Variants in SLC35F3 observed in about 807,000 individuals in gnomAD.
SLC35F3 encodes solute carrier family 35 member F3, also known as putative thiamine transporter SLC35F3.
A neutral mutation model predicts 49.9 loss-of-function variants in SLC35F3; 25 were observed. That is an observed-to-expected ratio of 0.50 (90% CI 0.37 to 0.70). The LOEUF is 0.70. Among genes scored for constraint, SLC35F3 ranks in the 30% least tolerant of loss-of-function variants. SLC35F3 has a pLI of 0.00. For synonymous variants in SLC35F3, 275 were observed against 265.4 expected, an observed-to-expected ratio of 1.04 and a Z score of -0.35; for missense variants, 525 against 639.8, an observed-to-expected ratio of 0.82 and a Z score of 1.94.
intron 2 of SLC35F3, among the ~76,000 whole-genome samples, chr1:233,924,827 G>A (rs1388410528): frequency 6.6e-6 from 1 of 152,184 alleles, no homozygotes; most frequent in Non-Finnish European, 1.5e-5. Context: ...ATTCTGGTAT[G>A]TTGTGTCTTT....
chr1:234,184,159 C>T (rs1666601005), intron 2 of SLC35F3, among the ~76,000 whole-genome samples: 1 of 151,572 alleles, frequency 6.6e-6, no homozygotes, highest in South Asian at 2.1e-4. Context: ...AACAAAAAAC[C>T]TAAATGCACA....
At chr1:233,937,575 C>T (rs1264112768) in intron 2 of SLC35F3, among the ~76,000 whole-genome samples, 1 of 152,150 alleles carries the variant, frequency 6.6e-6, no homozygotes, top group Non-Finnish European at 1.5e-5. Flanking sequence ...TAAAGTGCCC[C>T]ACTGGAGTTG....
At chr1:233,946,853 T>G (rs1238583561) in intron 2 of SLC35F3, among the ~76,000 whole-genome samples, 2 of 152,248 alleles carry the variant, frequency 1.3e-5, no homozygotes, top group African/African-American at 2.4e-5. Flanking sequence ...TTTCTGCCAC[T>G]GCCTGGCAGA....
chr1:234,322,759 C>T (rs1265612618), intron 7 of SLC35F3, among the ~76,000 whole-genome samples: 1 of 151,682 alleles, frequency 6.6e-6, no homozygotes, highest in East Asian at 1.9e-4. Context: ...GTTTGAACTA[C>T]CAAGTCAGTT....
chr1:234,198,519 G>C (rs1028582061), intron 2 of SLC35F3, among the ~76,000 whole-genome samples: 1 of 152,176 alleles, frequency 6.6e-6, no homozygotes, highest in South Asian at 2.1e-4. Flanking sequence ...GATGAGGACT[G>C]TAATTTCTCT....
At chr1:234,316,831 C>T in intron 5 of SLC35F3, 104 bp downstream of exon 5, 1 of 1,398,624 alleles carries the variant, frequency 7.1e-7, no homozygotes, top group Non-Finnish European at 9.7e-7. Flanking sequence ...TCTGATGATA[C>T]CTGTGCTTCA....
intron 3 of SLC35F3, among the ~76,000 whole-genome samples, chr1:234,304,265 G>T (rs1032033994): frequency 6.6e-6 from 1 of 151,876 alleles, no homozygotes; most frequent in African/African-American, 2.4e-5. Flanking sequence ...AGGTTTAAGC[G>T]ATTCTCATGC....
intron 2 of SLC35F3, among the ~76,000 whole-genome samples, chr1:234,143,292 T>TC (rs772961017): frequency 0.051 from 6,373 of 123,750 alleles, 231 homozygotes; most frequent in African/African-American, 0.14. Context: ...TCTTTTCTTT[T>TC]TTTTTTTTTT....
intron 2 of SLC35F3, among the ~76,000 whole-genome samples, chr1:233,999,890 T>G (rs1663524332): frequency 6.6e-6 from 1 of 152,220 alleles, no homozygotes; most frequent in Non-Finnish European, 1.5e-5. Context: ...TAAAGATTTG[T>G]TAACAAGTGA....
intron 2 of SLC35F3, among the ~76,000 whole-genome samples, chr1:234,155,395 G>GATGATGATGATTATTATT (rs113733876): frequency 6.7e-6 from 1 of 149,292 alleles, no homozygotes; most frequent in African/African-American, 2.5e-5. Flanking sequence ...CTATTCACCT[G>GATGATGATGATTATTATT]ATTATTATTA....
At chr1:233,917,157 C>A (rs977544177) in intron 2 of SLC35F3, among the ~76,000 whole-genome samples, 1 of 152,152 alleles carries the variant, frequency 6.6e-6, no homozygotes, top group African/African-American at 2.4e-5. Context: ...GCCATACTTT[C>A]TTTGTCTTGG....
At chr1:234,023,177 G>T (rs1468780917) in intron 2 of SLC35F3, among the ~76,000 whole-genome samples, 1 of 152,140 alleles carries the variant, frequency 6.6e-6, no homozygotes, top group Non-Finnish European at 1.5e-5. Flanking sequence ...GAAGACCCAG[G>T]GCACACCCAT....
intron 2 of SLC35F3, among the ~76,000 whole-genome samples, chr1:234,069,340 C>G (rs1664680097): frequency 6.7e-6 from 1 of 149,754 alleles, no homozygotes; most frequent in South Asian, 2.1e-4. Context: ...TCATTGCAAC[C>G]TCCACCTCCC....
intron 2 of SLC35F3, among the ~76,000 whole-genome samples, chr1:234,198,975 T>C (rs546037697): frequency 6.6e-6 from 1 of 151,470 alleles, no homozygotes; most frequent in African/African-American, 2.4e-5. Flanking sequence ...TCCCGGAACA[T>C]TGGGAGACCA....
intron 2 of SLC35F3, among the ~76,000 whole-genome samples, chr1:234,095,030 G>A (rs920630424): frequency 2.0e-5 from 3 of 152,140 alleles, no homozygotes; most frequent in Non-Finnish European, 2.9e-5. Flanking sequence ...CTGGCAGGGG[G>A]GTTTATCTGA....
chr1:234,292,720 CTTGTTCT>C (rs2102986577), intron 3 of SLC35F3, among the ~76,000 whole-genome samples: 1 of 152,292 alleles, frequency 6.6e-6, no homozygotes, highest in East Asian at 1.9e-4. Context: ...TAGAGTTGCC[CTTGTTCT>C]TATGAACTGT....
chr1:233,911,264 G>A lies in SLC35F3; in HGVS notation c.283+5506G>A, dbSNP rs1661869407. The stretch of plus-strand genomic sequence containing the variant: ...ATTGAATTCATGGTGAGCAACTTCT[G>A]TCTGATCCTCCTAAAATAGTAAAGG... On this transcript the variant is annotated intron_variant, in intron 2 of 7. Coordinates refer to ENST00000366618, the MANE Select transcript of SLC35F3 (RefSeq NM_173508.4). 2.0e-5 allele frequency among the ~76,000 whole-genome samples: 3 copies of A among 152,156 alleles called. No homozygotes were observed. In the South Asian group the frequency reaches 6.2e-4, roughly 32 times the overall value.
chr1:234,101,252 C>T (rs1377399998), intron 2 of SLC35F3, among the ~76,000 whole-genome samples: 1 of 152,060 alleles, frequency 6.6e-6, no homozygotes, highest in East Asian at 1.9e-4. Context: ...TTTTCCTTTA[C>T]ATACATAAGC....
chr1:233,945,866 A>G (rs555242528), intron 2 of SLC35F3, among the ~76,000 whole-genome samples: 3 of 152,328 alleles, frequency 2.0e-5, no homozygotes, highest in Admixed American at 2.0e-4. Flanking sequence ...AGTCAATTAA[A>G]CCTCAGCAAT....
Sources: allele counts gnomAD v4.1 joint callset (sites outside exome capture counted in the v4.1 genomes callset), GRCh38; gene constraint gnomAD v4.1.1; transcripts MANE v1.5; gene names NCBI Gene and HGNC (gene_info 2026-07-23, HGNC 2026-07-21).